Variants in CLRN1 observed in about 807,000 individuals in gnomAD.
CLRN1 encodes clarin 1, also known as clarin-1.
In CLRN1, 15 loss-of-function variants were observed where a neutral mutation model predicts 18.7. That is an observed-to-expected ratio of 0.80 (90% CI 0.54 to 1.23). CLRN1 has a LOEUF of 1.23. CLRN1 is among the 50% of genes most tolerant of loss of function. CLRN1 has a pLI of 0.00. For missense variants in CLRN1, 311 were observed against 277.5 expected (o/e 1.12, Z -0.86); for synonymous variants, 104 against 102.9 (o/e 1.01, Z -0.07).
At chr3:150,964,240 G>A (rs1715164490) in intron 1 of CLRN1, among the ~76,000 whole-genome samples, 1 of 152,014 alleles carries the variant, frequency 6.6e-6, no homozygotes, top group Non-Finnish European at 1.5e-5. Flanking sequence ...TTAAAAAGTG[G>A]GCAAAGGATA....
chr3:150,972,370 C>A (rs1434494714), intron 1 of CLRN1, 86 bp downstream of exon 1: 1 of 1,585,466 alleles, frequency 6.3e-7, no homozygotes, highest in African/African-American at 1.3e-5. Context: ...GCAGTAAACA[C>A]GGCAAAATTC....
At chr3:150,972,323 G>C in intron 1 of CLRN1, 133 bp downstream of exon 1, 1 of 1,130,504 alleles carries the variant, frequency 8.8e-7, no homozygotes, top group South Asian at 1.4e-5. Context: ...CAGAGTCATA[G>C]GTTTTTCATA....
intron 1 of CLRN1, among the ~76,000 whole-genome samples, chr3:150,954,453 T>C (rs1471634059): frequency 6.6e-6 from 1 of 152,256 alleles, no homozygotes; most frequent in Non-Finnish European, 1.5e-5. Context: ...GTATCTTTTG[T>C]GCATTTCTTA....
intron 1 of CLRN1, among the ~76,000 whole-genome samples, chr3:150,947,903 T>G (rs1714259461): frequency 6.6e-6 from 1 of 152,206 alleles, no homozygotes; most frequent in Non-Finnish European, 1.5e-5. Flanking sequence ...GCTAAGGCAG[T>G]GTTAAGAGTT....
chr3:150,940,358 A>G lies in CLRN1; in HGVS notation c.433+1224T>C. 5.2e-6 allele frequency: 4 copies of G among 770,080 alleles called. 1 individual carries two copies. In the South Asian group the frequency reaches 7.3e-5, roughly 14 times the overall value. The allele number at this position is 770,080 out of a possible 1,614,324, so 47.7% of individuals were successfully genotyped here. On this transcript the variant is annotated intron_variant, in intron 2 of 2. Coordinates refer to ENST00000327047, the MANE Select transcript of CLRN1 (RefSeq NM_174878.3). The stretch of plus-strand genomic sequence containing the variant: ...GCACAAGTAACAATGAACAGAGGCT[A>G]CACTGCAAGTGACCTCCTGTTAACT...
chr3:150,930,222 A>G (rs1016449683), intron 2 of CLRN1, among the ~76,000 whole-genome samples: 5 of 152,138 alleles, frequency 3.3e-5, no homozygotes, highest in African/African-American at 4.8e-5. Context: ...AGCTATAGGA[A>G]AAGTTAGCTG....
rs191428743 is a variant in CLRN1, at chr3:150,941,239, T to C, written c.433+343A>G. On this transcript the variant is annotated intron_variant, in intron 2 of 2. Transcript: ENST00000327047. ...ATGTATTTTATATGTATATTCCCTA[T>C]ATTTTATATATATAATCAAATTAGG... is the stretch of plus-strand genomic sequence containing the variant. Among the ~76,000 whole-genome samples, 45 of 150,782 alleles carry C rather than the reference T, an allele frequency of 3.0e-4. No individual in the cohort carries two copies. In the East Asian group the frequency reaches 8.5e-3, roughly 29 times the overall value.
intron 1 of CLRN1, among the ~76,000 whole-genome samples, chr3:150,971,988 G>A (rs527727927): frequency 2.1e-4 from 32 of 152,268 alleles, no homozygotes; most frequent in African/African-American, 7.7e-4. Flanking sequence ...TTTAGCAGCA[G>A]GAAAGGTCTT....
intron 1 of CLRN1, among the ~76,000 whole-genome samples, chr3:150,952,518 T>C (rs924868754): frequency 6.6e-6 from 1 of 152,146 alleles, no homozygotes; most frequent in African/African-American, 2.4e-5. Context: ...TTATGACGGG[T>C]TTATCGGGAA....
chr3:150,941,626 G>C lies in CLRN1; in HGVS notation c.389C>G (p.Thr130Ser). Residue 130 changes from threonine (T) to serine (S), a missense_variant, in exon 2 of 3, where the codon ACT (threonine) becomes AGT (serine). Physicochemically the swap from Thr to Ser is moderately conservative, Grantham distance 58. Coordinates refer to ENST00000327047, the MANE Select transcript of CLRN1 (RefSeq NM_174878.3). ...GTACAGCCCTAGGGGACCATGCAGA[G>C]TTTCAAAAGGTTTTCCAAAAGCATT... The part of the protein sequence containing the change: ...MYNAFGKPFE[T>S]LHGPLGLYLL... 2 of 1,614,064 alleles carry C rather than the reference G, an allele frequency of 1.2e-6. No homozygotes were observed. The highest frequency in any genetic ancestry group is 1.7e-6 in the Non-Finnish European group (2 of 1,179,948).
intron 1 of CLRN1, among the ~76,000 whole-genome samples, chr3:150,953,548 C>T (rs537673917): frequency 2.8e-4 from 42 of 152,166 alleles, no homozygotes; most frequent in African/African-American, 9.2e-4. Context: ...ATTTTTTCTT[C>T]GAGATGGAGT....
rs1287122500 is a variant in CLRN1, at chr3:150,972,450, A to G, written c.253+6T>C. The G allele has an allele frequency of 3.1e-6, 5 of 1,614,190 alleles. No individual in the cohort carries two copies. Among genetic ancestry groups the G allele is most frequent in the Middle Eastern group, 1.6e-4 (1 of 6,062 alleles). Reference sequence around the variant, plus strand: ...ATTAAATAACTCAAATGCAATTGCTACTTACATGAGAACCGAAAGGGCCTT... The same window carrying G: ...ATTAAATAACTCAAATGCAATTGCTGCTTACATGAGAACCGAAAGGGCCTT... On this transcript the variant is annotated splice_donor_region_variant and intron_variant, in intron 1 of 2. Coordinates refer to ENST00000327047, the MANE Select transcript of CLRN1 (RefSeq NM_174878.3).
chr3:150,928,172 A>G lies in CLRN1; in HGVS notation c.463T>C (p.Phe155Leu), dbSNP rs1712933933. Residue 155 changes from phenylalanine (F) to leucine (L), a missense_variant, in exon 3 of 3, where the codon TTT becomes CTT. Coordinates refer to ENST00000327047, the MANE Select transcript of CLRN1 (RefSeq NM_174878.3). ...TGATGGATTTTCACTTCAGAGGCAA[A>G]CAATATCATGACAAGACAGCCACAG... ...GSCGCLVMIL[F>L]ASEVKIHHLS... 2 of 1,614,082 alleles carry G rather than the reference A, an allele frequency of 1.2e-6. No individual in the cohort carries two copies. Among genetic ancestry groups the G allele is most frequent in the Non-Finnish European group, 1.7e-6 (2 of 1,180,008 alleles).
chr3:150,935,086 A>T lies in CLRN1; in HGVS notation c.433+6496T>A, dbSNP rs149339830. Among the ~76,000 whole-genome samples the T allele has an allele frequency of 3.5e-3, 534 of 152,132 alleles. 4 individuals are homozygous for T. Among genetic ancestry groups the T allele is most frequent in the African/African-American group, 0.012 (506 of 41,518 alleles). On this transcript the variant is annotated intron_variant, in intron 2 of 2. Transcript: ENST00000327047. ...TCTCCTCCTCCTAAACCAAAAAATT[A>T]ACTGTCAGTGTTCTTCAGGAATTGG...
intron 2 of CLRN1, among the ~76,000 whole-genome samples, chr3:150,934,598 A>T (rs1275450407): frequency 6.6e-6 from 1 of 152,122 alleles, no homozygotes; most frequent in Non-Finnish European, 1.5e-5. Context: ...TCTACCACTG[A>T]TCCATGTCAA....
At chr3:150,940,350 C>G in intron 2 of CLRN1, 1 of 699,272 alleles carries the variant, frequency 1.4e-6, no homozygotes. Context: ...TAACAATGAA[C>G]AGAGGCTACA....
chr3:150,959,601 C>A (rs190449545), intron 1 of CLRN1, among the ~76,000 whole-genome samples: 2 of 149,556 alleles, frequency 1.3e-5, no homozygotes, highest in Non-Finnish European at 3.0e-5. Flanking sequence ...TACCCTCCAG[C>A]CTGGACGACA....
At chr3:150,934,215 T>G (rs1576627052) in intron 2 of CLRN1, among the ~76,000 whole-genome samples, 2 of 152,342 alleles carry the variant, frequency 1.3e-5, no homozygotes, top group East Asian at 3.9e-4. Context: ...GTTTTTGAAC[T>G]GTTCTTTATT....
intron 2 of CLRN1, among the ~76,000 whole-genome samples, chr3:150,932,444 T>A (rs1400637188): frequency 6.6e-6 from 1 of 152,188 alleles, no homozygotes; most frequent in Non-Finnish European, 1.5e-5. Context: ...ATCAGTAAGA[T>A]CATATTTTTG....
Sources: gnomAD v4.1 joint callset for allele counts (sites outside exome capture counted in the v4.1 genomes callset) on GRCh38, gnomAD v4.1.1 for gene constraint, MANE v1.5 for transcripts, NCBI Gene and HGNC (gene_info 2026-07-23, HGNC 2026-07-21) for gene names.